ILRUN: variants seen among roughly 807,000 people sequenced by gnomAD.
The protein encoded by ILRUN is inflammation and lipid regulator with UBA-like and NBR1-like domains.
In ILRUN, 3 loss-of-function variants were observed where a neutral mutation model predicts 33.8. The ratio of observed to expected loss-of-function variants is 0.09; its 90% CI spans 0.04 to 0.23. ILRUN has a LOEUF of 0.23. Ranked by LOEUF, ILRUN falls within the 10% of genes least tolerant of loss-of-function variation. The pLI is 1.00. For synonymous variants in ILRUN, 124 were observed against 138.9 expected (o/e 0.89, Z 0.75); for missense variants, 210 against 375.1 (o/e 0.56, Z 3.64).
At chr6:34,674,229 G>A (rs1403862729) in intron 1 of ILRUN, among the ~76,000 whole-genome samples, 1 of 152,164 alleles carries the variant, frequency 6.6e-6, no homozygotes. Context: ...GTTTCACCAT[G>A]TTGGCCAGGC....
intron 4 of ILRUN, among the ~76,000 whole-genome samples, chr6:34,601,187 C>A (rs1375266486): frequency 6.6e-6 from 1 of 152,168 alleles, no homozygotes; most frequent in East Asian, 1.9e-4. Flanking sequence ...ACTACGTACA[C>A]TGATAAATTT....
rs565342249 is a variant in ILRUN, at chr6:34,610,037, T to C, written c.512-3133A>G. On this transcript the variant is annotated intron_variant, in intron 3 of 4. Coordinates refer to ENST00000374023, the MANE Select transcript of ILRUN (RefSeq NM_024294.4). The stretch of plus-strand genomic sequence containing the variant: ...TTAGCCAGGCATGGTGGCGGGCTCC[T>C]ATAGTCCCAGCCACTCGAGAGGCTG... Among the ~76,000 whole-genome samples, 300 of 151,768 alleles carry C rather than the reference T, an allele frequency of 2.0e-3. 1 individual carries two copies. Among genetic ancestry groups the C allele is most frequent in the African/African-American group, 6.8e-3 (280 of 41,354 alleles).
At chr6:34,690,366 C>T (rs1763620034) in intron 1 of ILRUN, among the ~76,000 whole-genome samples, 1 of 152,038 alleles carries the variant, frequency 6.6e-6, no homozygotes. Flanking sequence ...GAGGCTGAGG[C>T]ACAAGAATCG....
chr6:34,641,295 G>C (rs532132891), intron 3 of ILRUN, among the ~76,000 whole-genome samples: 2 of 152,224 alleles, frequency 1.3e-5, no homozygotes, highest in African/African-American at 4.8e-5. Flanking sequence ...GCCAATCATG[G>C]TTATTATGGA....
rs533018447 is a variant in ILRUN at position 34,653,524 on chromosome 6, T to A, written c.313+1101A>T. On this transcript the variant is annotated intron_variant, in intron 2 of 4. Transcript: ENST00000374023. The stretch of plus-strand genomic sequence containing the variant: ...CAGGCATGAGCCACCATGCTCAGCC[T>A]ATGGTTAACTTATTTCTAGTTTGTC... 2.1e-4 allele frequency among the ~76,000 whole-genome samples: 32 copies of A among 152,270 alleles called. No individual in the cohort carries two copies. The South Asian group carries it at 4.4e-3, about 21-fold the overall frequency.
intron 1 of ILRUN, among the ~76,000 whole-genome samples, chr6:34,660,747 T>C (rs1024586163): frequency 6.6e-5 from 10 of 152,146 alleles, no homozygotes; most frequent in African/African-American, 1.9e-4. Flanking sequence ...GAATCTAACA[T>C]GGAATACCAA....
intron 4 of ILRUN, among the ~76,000 whole-genome samples, chr6:34,604,263 C>T (rs561546402): frequency 6.6e-6 from 1 of 152,318 alleles, no homozygotes; most frequent in Admixed American, 6.5e-5. Flanking sequence ...CCTGGTAGGA[C>T]CTTAATTAAA....
intron 3 of ILRUN, among the ~76,000 whole-genome samples, chr6:34,626,633 A>C (rs1181306574): frequency 6.6e-6 from 1 of 152,218 alleles, no homozygotes; most frequent in Non-Finnish European, 1.5e-5. Flanking sequence ...ACCAAAAGTC[A>C]ATAGTTTATG....
intron 1 of ILRUN, 103 bp from the exon 2 acceptor site, chr6:34,654,882 C>T (rs1013923229): frequency 1.9e-5 from 21 of 1,112,620 alleles, no homozygotes; most frequent in Non-Finnish European, 2.5e-5. Context: ...TGTCACAGAA[C>T]CTGAGGCTCC....
chr6:34,637,867 T>TGCTGCTGCTGC (rs1344437933), intron 3 of ILRUN, among the ~76,000 whole-genome samples: 12 of 61,038 alleles, frequency 2.0e-4, no homozygotes, highest in African/African-American at 8.1e-4. Flanking sequence ...GCTGCTGCTG[T>TGCTGCTGCTGC]TGTTGTTGTT....
chr6:34,604,006 G>C (rs192626594), intron 4 of ILRUN, among the ~76,000 whole-genome samples: 17 of 152,240 alleles, frequency 1.1e-4, no homozygotes, highest in Admixed American at 9.2e-4. Context: ...CTAAGATTCT[G>C]CTTAGATTAA....
At chr6:34,684,947 G>A (rs1763482676) in intron 1 of ILRUN, among the ~76,000 whole-genome samples, 2 of 152,202 alleles carry the variant, frequency 1.3e-5, no homozygotes, top group South Asian at 2.1e-4. Context: ...AAGCAACAAG[G>A]CCCTGTTAGA....
intron 1 of ILRUN, among the ~76,000 whole-genome samples, chr6:34,676,993 A>G (rs1220537961): frequency 8.2e-6 from 1 of 122,664 alleles, no homozygotes; most frequent in East Asian, 2.3e-4. Context: ...GTTTTATGTC[A>G]CAATTAAAAA....
At chr6:34,645,330 A>G (rs914016866) in intron 3 of ILRUN, among the ~76,000 whole-genome samples, 3 of 152,126 alleles carry the variant, frequency 2.0e-5, no homozygotes, top group Non-Finnish European at 2.9e-5. Flanking sequence ...TGACCCGATT[A>G]TCTCAGGGGG....
chr6:34,619,985 CA>C (rs1216649224), intron 3 of ILRUN, among the ~76,000 whole-genome samples: 17,152 of 75,942 alleles, frequency 0.23, 618 homozygotes, highest in African/African-American at 0.33. Context: ...ACTCTGTCTC[CA>C]AAAAAAAAAA....
intron 1 of ILRUN, among the ~76,000 whole-genome samples, chr6:34,694,257 T>C (rs938734885): frequency 1.3e-5 from 2 of 152,168 alleles, no homozygotes; most frequent in African/African-American, 4.8e-5. Context: ...ATTATACTAA[T>C]AAAGACTGAC....
chr6:34,616,911 TGAG>T (rs1285957556), intron 3 of ILRUN: 1 of 616,016 alleles, frequency 1.6e-6, no homozygotes. Context: ...ATTAACATGC[TGAG>T]GATTGTAGAA....
At chr6:34,649,838 A>AT (rs1427523110) in intron 2 of ILRUN, among the ~76,000 whole-genome samples, 1 of 152,234 alleles carries the variant, frequency 6.6e-6, no homozygotes. Context: ...TGACTGGAAC[A>AT]TAATAAAATG....
At chr6:34,647,313 T>C (rs1352243278) in intron 2 of ILRUN, among the ~76,000 whole-genome samples, 1 of 152,212 alleles carries the variant, frequency 6.6e-6, no homozygotes, top group African/African-American at 2.4e-5. Flanking sequence ...GAGGTATGAC[T>C]TTTCTTCTGG....
Sources: allele counts gnomAD v4.1 joint callset (sites outside exome capture counted in the v4.1 genomes callset), GRCh38; gene constraint gnomAD v4.1.1; transcripts MANE v1.5; gene names NCBI Gene and HGNC (gene_info 2026-07-23, HGNC 2026-07-21).